Variants in PHAF1 observed in about 807,000 individuals in gnomAD.
PHAF1 encodes phagophore assembly factor 1, also known as phagosome assembly factor 1.
PHAF1 carries 23 observed loss-of-function variants against 63.1 expected under a neutral mutation model. The observed-to-expected ratio is 0.36, with a 90% CI of 0.26 to 0.52. The LOEUF (loss-of-function observed/expected upper bound fraction) is 0.52, where lower values mean the gene tolerates loss of function less well. PHAF1 is among the 20% of genes least tolerant of loss of function. The probability of loss-of-function intolerance (pLI) is 0.93; values close to 1 mark genes in which losing one functional copy is unlikely to be tolerated. For synonymous variants in PHAF1, 167 were observed against 185.0 expected (o/e 0.90, Z 0.79); for missense variants, 427 against 517.2 (o/e 0.83, Z 1.69).
intron 8 of PHAF1, chr16:67,136,138 T>A (rs1963596607): frequency 6.6e-6 from 1 of 152,216 alleles, no homozygotes; most frequent in African/African-American, 2.4e-5. Flanking sequence ...ACCCCATCTC[T>A]GCTAAAAATA....
chr16:67,146,213 T>C, intron 14 of PHAF1, 65 bp from the exon 15 acceptor site: 1 of 1,438,756 alleles, frequency 7.0e-7, no homozygotes, highest in Non-Finnish European at 9.8e-7. Flanking sequence ...CAGAAAAGAC[T>C]GGATCCCTTG....
intron 8 of PHAF1, 106 bp downstream of exon 8, chr16:67,134,573 A>G: frequency 3.0e-6 from 3 of 985,000 alleles, no homozygotes; most frequent in Non-Finnish European, 4.8e-6. Context: ...AGGCTGCTAT[A>G]ATAAAATACC....
chr16:67,119,123 T>A (rs1239041861), intron 1 of PHAF1, among the ~76,000 whole-genome samples: 1 of 152,168 alleles, frequency 6.6e-6, no homozygotes, highest in Non-Finnish European at 1.5e-5. Context: ...TGTACTCTAA[T>A]AGGCCTTCAT....
At position 67,140,555 on chromosome 16, in the gene PHAF1, G is replaced by T; in HGVS notation, c.840G>T (p.Lys280Asn). The change falls in exon 10 of 16, where the codon AAG becomes AAT. Residue 280 changes from lysine to asparagine, a missense_variant. Physicochemically the swap from Lys to Asn is moderately conservative, Grantham distance 94. Coordinates refer to ENST00000219139, the MANE Select transcript of PHAF1 (RefSeq NM_025187.5). Reference sequence around the variant, plus strand: ...CCCCTCATAAACAAGTTCCATCGAAGTGTAATGACTACTTTTTTAACTACT... The same window carrying T: ...CCCCTCATAAACAAGTTCCATCGAATTGTAATGACTACTTTTTTAACTACT... ...SPSPHKQVPS[K>N]CNDYFFNYFT... The T allele has an allele frequency of 6.2e-7, 1 of 1,602,654 alleles. No homozygotes were observed. Among genetic ancestry groups the T allele is most frequent in the Non-Finnish European group, 8.6e-7 (1 of 1,169,550 alleles).
chr16:67,117,286 T>C lies in PHAF1; in HGVS notation c.65-2826T>C, dbSNP rs2145823236. Among the ~76,000 whole-genome samples, 3 of 147,100 alleles carry C rather than the reference T, an allele frequency of 2.0e-5. No individual in the cohort carries two copies. In the South Asian group the frequency reaches 6.7e-4, roughly 33 times the overall value. ...GGCTGGTCTCAAACTCCTGACCTCG[T>C]GATCCGCCTGCCTCGGCCTCCCAAA... is the stretch of plus-strand genomic sequence containing the variant. On this transcript the variant is annotated intron_variant, in intron 1 of 15. Coordinates refer to ENST00000219139, the MANE Select transcript of PHAF1 (RefSeq NM_025187.5).
chr16:67,144,463 C>T (rs1963917920), intron 11 of PHAF1, 87 bp downstream of exon 11: 1 of 915,894 alleles, frequency 1.1e-6, no homozygotes, highest in African/African-American at 1.7e-5. Context: ...TGGGTGTTCA[C>T]TAATTTATCT....
At chr16:67,143,974 C>A (rs545796490) in intron 10 of PHAF1, among the ~76,000 whole-genome samples, 1 of 151,518 alleles carries the variant, frequency 6.6e-6, no homozygotes, top group Non-Finnish European at 1.5e-5. Flanking sequence ...TGGTGGTGGG[C>A]GCCTGTAATC....
In PHAF1 at chr16:67,140,167, T is replaced by A. The variant is rs771534687; in HGVS notation, c.795+50T>A. 3 of 1,580,926 alleles carry A rather than the reference T, an allele frequency of 1.9e-6. No individual in the cohort carries two copies. The African/African-American group carries it at 4.1e-5, about 21-fold the overall frequency. Reference sequence around the variant, plus strand: ...CTCCTTTTTTTTAATCAACACTAATTTAATATTGAGTATAAACTGTTTGCT... The same window carrying A: ...CTCCTTTTTTTTAATCAACACTAATATAATATTGAGTATAAACTGTTTGCT... On this transcript the variant is annotated intron_variant, in intron 9 of 15. Coordinates refer to ENST00000219139, the MANE Select transcript of PHAF1 (RefSeq NM_025187.5).
In PHAF1 at chr16:67,117,189, T is replaced by C. The variant is rs563886004; in HGVS notation, c.65-2923T>C. Among the ~76,000 whole-genome samples the C allele has an allele frequency of 4.9e-4, 72 of 146,128 alleles. 1 individual carries two copies. The highest frequency in any genetic ancestry group is 8.0e-4 in the Non-Finnish European group (54 of 67,298). On this transcript the variant is annotated intron_variant, in intron 1 of 15. Coordinates refer to ENST00000219139, the MANE Select transcript of PHAF1 (RefSeq NM_025187.5). ...CTGGGACTACAGGCACACACCACCA[T>C]GCCCAGCTAATTTTTTTTTTTTTTT... is the stretch of plus-strand genomic sequence containing the variant.
chr16:67,121,561 T>TTAA (rs1962976887), intron 2 of PHAF1, among the ~76,000 whole-genome samples: 1 of 151,608 alleles, frequency 6.6e-6, no homozygotes, highest in Admixed American at 6.6e-5. Flanking sequence ...TGGATTCTCG[T>TTAA]TAATTAAATT....
intron 1 of PHAF1, among the ~76,000 whole-genome samples, chr16:67,112,037 A>G (rs1374644100): frequency 3.9e-5 from 6 of 152,190 alleles, no homozygotes; most frequent in Non-Finnish European, 8.8e-5. Context: ...CTCGTGAAGC[A>G]CTAAGAGCTT....
intron 3 of PHAF1, among the ~76,000 whole-genome samples, chr16:67,128,566 A>C (rs1963274823): frequency 6.6e-6 from 1 of 152,196 alleles, no homozygotes; most frequent in South Asian, 2.1e-4. Context: ...ATGAGGCTTT[A>C]TAAGTCACAA....
rs751181290 is a variant in PHAF1 at position 67,134,479 on chromosome 16, G to A, written c.661+12G>A. ...CCTACTTGCTGCAGGTCAGTGACTG[G>A]CTTTGAGGTTGGTACATTCCGCATT... On this transcript the variant is annotated intron_variant, in intron 8 of 15. Transcript: ENST00000219139. 3.1e-6 allele frequency: 5 copies of A among 1,592,876 alleles called. 1 individual carries two copies. In the East Asian group the frequency reaches 6.7e-5, roughly 21 times the overall value.
chr16:67,140,531 C>G lies in PHAF1; in HGVS notation c.816C>G (p.Ser272=), dbSNP rs201146623. ...SEDKMKIHSP[S]PHKQVPSKCN... ...TACAGATGAAAATTCATTCTCCTTC[C>G]CCTCATAAACAAGTTCCATCGAAGT... Residue 272 remains serine, a synonymous_variant, in exon 10 of 16, where the codon TCC becomes TCG. Transcript: ENST00000219139. 1 of 1,595,420 alleles carries G rather than the reference C, an allele frequency of 6.3e-7. No homozygotes were observed. Among genetic ancestry groups the G allele is most frequent in the African/African-American group, 1.3e-5 (1 of 74,606 alleles).
At chr16:67,111,387 G>T (rs1485072271) in intron 1 of PHAF1, among the ~76,000 whole-genome samples, 1 of 152,162 alleles carries the variant, frequency 6.6e-6, no homozygotes, top group Non-Finnish European at 1.5e-5. Context: ...CTAAGAAAAG[G>T]GGGTGGGGTA....
chr16:67,138,401 G>A (rs945475892), intron 8 of PHAF1, among the ~76,000 whole-genome samples: 1 of 152,166 alleles, frequency 6.6e-6, no homozygotes, highest in African/African-American at 2.4e-5. Context: ...ATAAAAAATG[G>A]ATTGTTACAC....
In PHAF1 at chr16:67,147,852, A is replaced by G. The variant is rs2030234372; in HGVS notation, c.*721A>G. ...CCATCCTGTTTGCCTCTTTTATTTA[A>G]TGCCAAAGTTTTAGCCAAAGACATC... On this transcript the variant is annotated 3_prime_UTR_variant, in exon 16 of 16. Coordinates refer to ENST00000219139, the MANE Select transcript of PHAF1 (RefSeq NM_025187.5). The G allele has an allele frequency of 6.5e-6, 1 of 152,760 alleles. No individual in the cohort carries two copies. Among genetic ancestry groups the G allele is most frequent in the Non-Finnish European group, 1.5e-5 (1 of 68,128 alleles). The allele number at this position is 152,760 out of a possible 1,614,324, so 9.5% of individuals were successfully genotyped here. A position where few individuals can be genotyped will look rare whatever the true frequency, so the allele number is the denominator to read the frequency against.
At chr16:67,145,764 C>T (rs2030004602) in intron 14 of PHAF1, 136 bp downstream of exon 14, 1 of 879,406 alleles carries the variant, frequency 1.1e-6, no homozygotes, top group Admixed American at 2.9e-5. Flanking sequence ...ACTTCCTGCC[C>T]CACTCTGCAC....
intron 3 of PHAF1, among the ~76,000 whole-genome samples, chr16:67,129,576 C>T (rs1415907747): frequency 6.6e-6 from 1 of 152,204 alleles, no homozygotes. Flanking sequence ...ATACAATGCC[C>T]CACAGCCTCT....
Sources: allele counts gnomAD v4.1 joint callset (sites outside exome capture counted in the v4.1 genomes callset), GRCh38; gene constraint gnomAD v4.1.1; transcripts MANE v1.5; gene names NCBI Gene and HGNC (gene_info 2026-07-23, HGNC 2026-07-21).